NRG3: variants seen among roughly 807,000 people sequenced by gnomAD.
NRG3 encodes the protein neuregulin 3.
Under a neutral mutation model 66.9 loss-of-function variants are expected in NRG3, and 31 were observed. That is an observed-to-expected ratio of 0.46 (90% CI 0.35 to 0.63). The LOEUF (loss-of-function observed/expected upper bound fraction) is 0.63, where lower values mean the gene tolerates loss of function less well. Ranked by LOEUF, NRG3 falls within the 20% of genes least tolerant of loss-of-function variation. NRG3 has a pLI of 0.00. For missense variants in NRG3, 910 were observed against 878.9 expected (o/e 1.04, Z -0.45); for synonymous variants, 393 against 359.4 (o/e 1.09, Z -1.06).
At chr10:82,283,790 C>T (rs2079253555) in intron 1 of NRG3, among the ~76,000 whole-genome samples, 1 of 152,094 alleles carries the variant, frequency 6.6e-6, no homozygotes, top group African/African-American at 2.4e-5. Flanking sequence ...CATCTCGAGT[C>T]CCAATTCACA....
chr10:82,596,224 C>A (rs937083591), intron 2 of NRG3, among the ~76,000 whole-genome samples: 4 of 152,170 alleles, frequency 2.6e-5, no homozygotes, highest in Admixed American at 6.5e-5. Flanking sequence ...AGGAGCCTCG[C>A]ATAGCAAGTG....
At chr10:82,628,330 C>T (rs1219533499) in intron 2 of NRG3, among the ~76,000 whole-genome samples, 1 of 152,158 alleles carries the variant, frequency 6.6e-6, no homozygotes, top group Non-Finnish European at 1.5e-5. Context: ...CATTCTCTAG[C>T]ATATTTTTCC....
At chr10:82,945,100 T>A (rs950970038) in intron 4 of NRG3, among the ~76,000 whole-genome samples, 17 of 152,190 alleles carry the variant, frequency 1.1e-4, no homozygotes, top group African/African-American at 4.1e-4. Context: ...GTATGAAGAA[T>A]TTTGTGTACC....
intron 1 of NRG3, among the ~76,000 whole-genome samples, chr10:82,301,686 C>CTATATA (rs60882154): frequency 0.031 from 4,268 of 137,618 alleles, 118 homozygotes; most frequent in African/African-American, 0.054. Context: ...ACATATATTC[C>CTATATA]TATATATATA....
At chr10:82,826,396 A>T (rs1449478378) in intron 3 of NRG3, among the ~76,000 whole-genome samples, 1 of 152,198 alleles carries the variant, frequency 6.6e-6, no homozygotes, top group East Asian at 1.9e-4. Flanking sequence ...AATTTAAAAG[A>T]TGCGTAAGTT....
chr10:82,805,040 T>C (rs2061220196), intron 3 of NRG3, among the ~76,000 whole-genome samples: 1 of 152,206 alleles, frequency 6.6e-6, no homozygotes, highest in Non-Finnish European at 1.5e-5. Flanking sequence ...TAGAACTCAT[T>C]TTTAGTCAGT....
intron 1 of NRG3, among the ~76,000 whole-genome samples, chr10:82,132,479 G>GAT (rs373794605): frequency 1.6e-5 from 1 of 62,498 alleles, no homozygotes; most frequent in Non-Finnish European, 3.2e-5. Context: ...ATATATATAT[G>GAT]ATATATATAT....
chr10:82,180,670 G>T (rs763495857), intron 1 of NRG3, among the ~76,000 whole-genome samples: 3 of 151,778 alleles, frequency 2.0e-5, no homozygotes, highest in Non-Finnish European at 4.4e-5. Context: ...ATTTTTACAT[G>T]CATATTCATC....
At chr10:82,251,082 C>T (rs1292039117) in intron 1 of NRG3, among the ~76,000 whole-genome samples, 2 of 152,180 alleles carry the variant, frequency 1.3e-5, no homozygotes, top group African/African-American at 2.4e-5. Flanking sequence ...GAAAATCTGA[C>T]GACGTTGGAC....
intron 3 of NRG3, among the ~76,000 whole-genome samples, chr10:82,857,025 T>A (rs940536269): frequency 5.9e-5 from 9 of 152,176 alleles, no homozygotes; most frequent in African/African-American, 2.2e-4. Context: ...AAAAATGGAA[T>A]AAGATTTCAG....
intron 3 of NRG3, among the ~76,000 whole-genome samples, chr10:82,741,290 C>A (rs372376425): frequency 6.6e-6 from 1 of 152,014 alleles, no homozygotes; most frequent in Admixed American, 6.5e-5. Flanking sequence ...CCCTGAGGAT[C>A]CCGCAGATTA....
At position 82,200,251 on chromosome 10, in the gene NRG3, A is replaced by C. The variant is rs962493924; in HGVS notation, c.824-158488A>C. On this transcript the variant is annotated intron_variant, in intron 1 of 8. Transcript: ENST00000372141. ...TGTTGTTGAGGTAGTGGTTGGTAGC[A>C]GTAGTAGTAGCAGCAGCAGTGGTTC... is the stretch of plus-strand genomic sequence containing the variant. Among the ~76,000 whole-genome samples, 16 of 152,274 alleles carry C rather than the reference A, an allele frequency of 1.1e-4. 1 individual carries two copies. The highest frequency in any genetic ancestry group is 2.1e-4 in the Non-Finnish European group (14 of 68,018).
At chr10:82,329,700 C>T (rs1005018898) in intron 1 of NRG3, among the ~76,000 whole-genome samples, 1 of 152,184 alleles carries the variant, frequency 6.6e-6, no homozygotes, top group African/African-American at 2.4e-5. Context: ...AGGTACATGA[C>T]ATTTCTGTCT....
intron 1 of NRG3, among the ~76,000 whole-genome samples, chr10:81,954,753 A>G (rs1026766946): frequency 1.3e-5 from 2 of 152,178 alleles, no homozygotes; most frequent in Non-Finnish European, 2.9e-5. Context: ...CAGGTTGTTA[A>G]AAATCAACAT....
intron 2 of NRG3, among the ~76,000 whole-genome samples, chr10:82,685,384 C>T (rs7922963): frequency 0.21 from 31,202 of 152,108 alleles, 3,446 homozygotes; most frequent in Middle Eastern, 0.35. Context: ...TGAGATCAAA[C>T]TCAGTCCTGC....
chr10:82,414,619 G>A (rs1028292083), intron 2 of NRG3, among the ~76,000 whole-genome samples: 1 of 152,116 alleles, frequency 6.6e-6, no homozygotes, highest in African/African-American at 2.4e-5. Flanking sequence ...GCAATCAAGT[G>A]AAGCACAATA....
At chr10:82,079,843 A>T (rs2065292763) in intron 1 of NRG3, among the ~76,000 whole-genome samples, 1 of 152,188 alleles carries the variant, frequency 6.6e-6, no homozygotes, top group Non-Finnish European at 1.5e-5. Flanking sequence ...CACCAGATAT[A>T]GGTATCCTAT....
At position 82,460,630 on chromosome 10, in the gene NRG3, C is replaced by T. The variant is rs150500352; in HGVS notation, c.953+101762C>T. Among the ~76,000 whole-genome samples the T allele has an allele frequency of 7.7e-3, 1,170 of 152,286 alleles. 10 individuals are homozygous for T. The highest frequency in any genetic ancestry group is 0.014 in the Middle Eastern group (4 of 294). On this transcript the variant is annotated intron_variant, in intron 2 of 8. Coordinates refer to ENST00000372141, the MANE Select transcript of NRG3 (RefSeq NM_001010848.4). The stretch of plus-strand genomic sequence containing the variant: ...CAGTGCAGGCTTTCTGGCTTCTCTT[C>T]TTAGCTACACGTGCAGCAGGGTTAT...
chr10:82,274,875 C>G (rs932052160), intron 1 of NRG3, among the ~76,000 whole-genome samples: 1 of 151,864 alleles, frequency 6.6e-6, no homozygotes, highest in Non-Finnish European at 1.5e-5. Flanking sequence ...CAGAATAAAC[C>G]TCTTGCCCAA....
Sources: gnomAD v4.1 joint callset for allele counts (sites outside exome capture counted in the v4.1 genomes callset) on GRCh38, gnomAD v4.1.1 for gene constraint, MANE v1.5 for transcripts, NCBI Gene and HGNC (gene_info 2026-07-23, HGNC 2026-07-21) for gene names.